Variants in RBMS3 observed in about 807,000 individuals in gnomAD.
RBMS3 encodes RNA-binding motif, single-stranded-interacting protein 3.
RBMS3 carries 27 observed loss-of-function variants against 66.8 expected under a neutral mutation model. The ratio of observed to expected loss-of-function variants is 0.40; its 90% CI spans 0.30 to 0.56. The LOEUF (loss-of-function observed/expected upper bound fraction) is 0.56. RBMS3 is among the 20% of genes least tolerant of loss of function. The pLI is 0.40. For synonymous variants in RBMS3, 188 were observed against 183.0 expected, an observed-to-expected ratio of 1.03 and a Z score of -0.22; for missense variants, 513 against 549.5, an observed-to-expected ratio of 0.93 and a Z score of 0.66.
chr3:29,598,666 A>C (rs1329635748), intron 4 of RBMS3, among the ~76,000 whole-genome samples: 3 of 152,020 alleles, frequency 2.0e-5, no homozygotes, highest in African/African-American at 7.2e-5. Flanking sequence ...AGTATGATTC[A>C]TTTGAGGAGG....
chr3:29,525,496 T>C (rs1312809454), intron 3 of RBMS3, among the ~76,000 whole-genome samples: 3 of 152,158 alleles, frequency 2.0e-5, no homozygotes, highest in African/African-American at 7.2e-5. Context: ...GGGAGCAGTG[T>C]TTTCAAGGGC....
intron 2 of RBMS3, among the ~76,000 whole-genome samples, chr3:29,487,788 T>A (rs2043377489): frequency 6.6e-6 from 1 of 152,104 alleles, no homozygotes; most frequent in Non-Finnish European, 1.5e-5. Flanking sequence ...TTTAAATAAA[T>A]GTATTTATAT....
chr3:29,465,364 G>A (rs1475107289), intron 2 of RBMS3, among the ~76,000 whole-genome samples: 3 of 152,120 alleles, frequency 2.0e-5, no homozygotes. Context: ...TAACTTACAA[G>A]TGCATATTTA....
intron 4 of RBMS3, among the ~76,000 whole-genome samples, chr3:29,635,263 C>T (rs2049433055): frequency 6.6e-6 from 1 of 151,844 alleles, no homozygotes; most frequent in Admixed American, 6.6e-5. Flanking sequence ...GTCTGTTAGA[C>T]ATTTCACATT....
At chr3:29,392,761 A>G (rs910133823) in intron 1 of RBMS3, among the ~76,000 whole-genome samples, 1 of 152,132 alleles carries the variant, frequency 6.6e-6, no homozygotes, top group Non-Finnish European at 1.5e-5. Flanking sequence ...CCTTAATATG[A>G]TTGGTCACAG....
At chr3:29,978,691 C>A (rs543588422) in intron 12 of RBMS3, among the ~76,000 whole-genome samples, 1 of 151,944 alleles carries the variant, frequency 6.6e-6, no homozygotes, top group Non-Finnish European at 1.5e-5. Flanking sequence ...CAATCAATGG[C>A]ATGTTTCTAT....
intron 1 of RBMS3, among the ~76,000 whole-genome samples, chr3:29,291,156 T>G (rs1232729776): frequency 1.3e-5 from 2 of 151,934 alleles, no homozygotes; most frequent in African/African-American, 4.8e-5. Context: ...TGCATATAAA[T>G]GTTAATTGAT....
At chr3:29,994,520 A>C (rs1276223898) in intron 14 of RBMS3, among the ~76,000 whole-genome samples, 3 of 152,250 alleles carry the variant, frequency 2.0e-5, no homozygotes, top group Non-Finnish European at 4.4e-5. Flanking sequence ...CTGCAGACTT[A>C]AATGTCTCTG....
At chr3:29,983,446 A>T (rs1472717668) in intron 12 of RBMS3, among the ~76,000 whole-genome samples, 1 of 152,108 alleles carries the variant, frequency 6.6e-6, no homozygotes, top group Non-Finnish European at 1.5e-5. Flanking sequence ...TGTGAATTTG[A>T]TCCTGTCATT....
At chr3:29,382,877 TAACAACATCTGGGTTGATTAATG>T (rs1203363156) in intron 1 of RBMS3, among the ~76,000 whole-genome samples, 1 of 152,218 alleles carries the variant, frequency 6.6e-6, no homozygotes, top group East Asian at 1.9e-4. Flanking sequence ...TTAAGCAAAT[TAACAACATCTGGGTTGATTAATG>T]AACAAGCCAC....
intron 7 of RBMS3, among the ~76,000 whole-genome samples, chr3:29,881,413 A>G (rs954881197): frequency 3.4e-4 from 52 of 152,152 alleles, no homozygotes; most frequent in Non-Finnish European, 6.9e-4. Context: ...TAAATTTCAC[A>G]ACAATCTGAT....
At chr3:29,845,404 A>G (rs566982873) in intron 6 of RBMS3, among the ~76,000 whole-genome samples, 2 of 152,298 alleles carry the variant, frequency 1.3e-5, no homozygotes, top group South Asian at 4.1e-4. Flanking sequence ...AAGCCCTCTA[A>G]AAATATGGTA....
intron 4 of RBMS3, among the ~76,000 whole-genome samples, chr3:29,606,882 T>A (rs1046052843): frequency 6.6e-6 from 1 of 151,924 alleles, no homozygotes; most frequent in African/African-American, 2.4e-5. Context: ...GAATTGAAAA[T>A]TTTTCCATTG....
At chr3:29,477,796 C>T (rs1394870905) in intron 2 of RBMS3, among the ~76,000 whole-genome samples, 1 of 151,986 alleles carries the variant, frequency 6.6e-6, no homozygotes, top group East Asian at 1.9e-4. Flanking sequence ...GACAGGGTCT[C>T]ACTCTGTCAC....
intron 5 of RBMS3, 129 bp from the exon 6 acceptor site, chr3:29,762,781 G>GA: frequency 1.5e-6 from 1 of 665,844 alleles, no homozygotes; most frequent in Admixed American, 2.9e-5. Context: ...TCATGTTCAT[G>GA]AAAAAAGTTG....
chr3:29,511,031 G>A (rs151015701), intron 3 of RBMS3, among the ~76,000 whole-genome samples: 16 of 152,348 alleles, frequency 1.1e-4, no homozygotes, highest in African/African-American at 3.8e-4. Flanking sequence ...GGGCGTGGTG[G>A]CTCACGCCTG....
At chr3:29,305,119 C>T (rs2033922715) in intron 1 of RBMS3, among the ~76,000 whole-genome samples, 1 of 151,874 alleles carries the variant, frequency 6.6e-6, no homozygotes, top group Admixed American at 6.6e-5. Flanking sequence ...GCTCTTCCCT[C>T]TTCGTCAGTG....
At chr3:29,803,297 A>G (rs1325911519) in intron 6 of RBMS3, among the ~76,000 whole-genome samples, 1 of 152,098 alleles carries the variant, frequency 6.6e-6, no homozygotes, top group East Asian at 1.9e-4. Context: ...CTATGCTTAT[A>G]TTTCCTGGGT....
chr3:29,495,327 A>T (rs918233163), intron 3 of RBMS3, among the ~76,000 whole-genome samples: 12 of 151,360 alleles, frequency 7.9e-5, no homozygotes, highest in South Asian at 6.3e-4. Context: ...ATACACTTGG[A>T]TGACTTTGGA....
Sources: allele counts gnomAD v4.1 joint callset (sites outside exome capture counted in the v4.1 genomes callset), GRCh38; gene constraint gnomAD v4.1.1; transcripts MANE v1.5; gene names NCBI Gene and HGNC (gene_info 2026-07-23, HGNC 2026-07-21).